Variants in SLC1A2 observed in about 807,000 individuals in gnomAD.
SLC1A2 encodes the protein solute carrier family 1 member 2.
A neutral mutation model predicts 48.8 loss-of-function variants in SLC1A2; 15 were observed. The ratio of observed to expected loss-of-function variants is 0.31; its 90% CI spans 0.21 to 0.47. SLC1A2 has a LOEUF of 0.47. SLC1A2 is among the 20% of genes least tolerant of loss of function. The pLI, the probability that SLC1A2 is intolerant of heterozygous loss-of-function variation, is 0.99. For missense variants in SLC1A2, 502 were observed against 730.5 expected, an observed-to-expected ratio of 0.69 and a Z score of 3.61; for synonymous variants, 279 against 272.6, an observed-to-expected ratio of 1.02 and a Z score of -0.23.
intron 1 of SLC1A2, among the ~76,000 whole-genome samples, chr11:35,339,462 A>G (rs1418724635): frequency 6.6e-6 from 1 of 152,222 alleles, no homozygotes; most frequent in East Asian, 1.9e-4. Context: ...AGAATCTCTC[A>G]GGGAGATGTT....
At chr11:35,354,295 A>C (rs899509353) in intron 1 of SLC1A2, among the ~76,000 whole-genome samples, 9 of 152,192 alleles carry the variant, frequency 5.9e-5, no homozygotes, top group Admixed American at 2.6e-4. Flanking sequence ...CTACAAAAAA[A>C]AAATTTTTTT....
chr11:35,379,412 A>G (rs1218157660), intron 1 of SLC1A2, among the ~76,000 whole-genome samples: 1 of 152,226 alleles, frequency 6.6e-6, no homozygotes, highest in Non-Finnish European at 1.5e-5. Context: ...AATAGGCAAT[A>G]CAGACTTTTT....
chr11:35,374,537 C>A, intron 1 of SLC1A2: 1 of 225,038 alleles, frequency 4.4e-6, no homozygotes, highest in South Asian at 6.5e-5. Context: ...TTGTCTTGGG[C>A]CACACATAAA....
At chr11:35,302,811 G>A (rs959927058) in intron 5 of SLC1A2, among the ~76,000 whole-genome samples, 10 of 150,956 alleles carry the variant, frequency 6.6e-5, no homozygotes, top group African/African-American at 2.4e-4. Flanking sequence ...GGTGTTTCCA[G>A]TACTGCCTGG....
chr11:35,323,030 T>G (rs1852126711), intron 1 of SLC1A2: 1 of 465,330 alleles, frequency 2.1e-6, no homozygotes, highest in African/African-American at 2.0e-5. Context: ...TCACAGATCC[T>G]GCAAATGAAA....
chr11:35,262,056 G>A (rs1257490618), intron 10 of SLC1A2, among the ~76,000 whole-genome samples: 3 of 152,318 alleles, frequency 2.0e-5, no homozygotes, highest in Middle Eastern at 3.4e-3. Context: ...TACCAGGCAA[G>A]AGTTTGAATA....
Position 35,260,903 on chromosome 11 carries a change from A to G in SLC1A2, c.1716T>C (p.Arg572=). 1 of 1,612,262 alleles carries G rather than the reference A, an allele frequency of 6.2e-7. No individual in the cohort carries two copies. Among genetic ancestry groups the G allele is most frequent in the Non-Finnish European group, 8.5e-7 (1 of 1,178,354 alleles). ...DCSVEEEPWK[R]EK ...GCTGAGACTCATATCCTTATTTCTC[A>G]CGTTTCCAAGGTTCTTCCTCAACAC... The change falls in exon 11 of 11, where the codon CGT becomes CGC. Residue 572 remains arginine, a synonymous_variant. Transcript: ENST00000278379.
At chr11:35,326,289 A>G (rs1852250266) in intron 1 of SLC1A2, among the ~76,000 whole-genome samples, 1 of 152,234 alleles carries the variant, frequency 6.6e-6, no homozygotes, top group South Asian at 2.1e-4. Context: ...TCCTTCTGCT[A>G]GAAAGCATGA....
intron 9 of SLC1A2, among the ~76,000 whole-genome samples, chr11:35,277,903 A>G (rs1391537298): frequency 6.6e-6 from 1 of 152,082 alleles, no homozygotes; most frequent in Non-Finnish European, 1.5e-5. Flanking sequence ...TCCCCCTTCC[A>G]TCCATGGCCT....
chr11:35,401,322 A>G (rs2135272236), intron 1 of SLC1A2, among the ~76,000 whole-genome samples: 1 of 152,348 alleles, frequency 6.6e-6, no homozygotes, highest in South Asian at 2.1e-4. Context: ...CAGCTTTTGC[A>G]GGGCATTTCA....
chr11:35,400,410 T>C (rs1323414070), intron 1 of SLC1A2, among the ~76,000 whole-genome samples: 1 of 152,204 alleles, frequency 6.6e-6, no homozygotes, highest in Admixed American at 6.5e-5. Context: ...AATCTGTAGG[T>C]TATGCTCCCA....
intron 10 of SLC1A2, 104 bp downstream of exon 10, chr11:35,265,423 A>C (rs1950464327): frequency 4.4e-6 from 3 of 675,674 alleles, no homozygotes; most frequent in Non-Finnish European, 7.8e-6. Flanking sequence ...AGGAAAATAA[A>C]TGTGACAATA....
intron 1 of SLC1A2, among the ~76,000 whole-genome samples, chr11:35,354,262 G>A (rs1362161399): frequency 6.6e-6 from 1 of 152,038 alleles, no homozygotes; most frequent in East Asian, 1.9e-4. Flanking sequence ...GACCAGCCTG[G>A]TCAATATAAC....
At chr11:35,405,938 G>A (rs994080138) in intron 1 of SLC1A2, among the ~76,000 whole-genome samples, 6 of 152,300 alleles carry the variant, frequency 3.9e-5, no homozygotes, top group Admixed American at 1.3e-4. Flanking sequence ...CCCTTCTGTC[G>A]TCTCTATGCC....
At chr11:35,377,737 T>C (rs1854290481) in intron 1 of SLC1A2, among the ~76,000 whole-genome samples, 1 of 152,268 alleles carries the variant, frequency 6.6e-6, no homozygotes, top group Non-Finnish European at 1.5e-5. Context: ...AATAGGCATA[T>C]TCATGCTGAT....
chr11:35,268,914 C>A (rs1850185561), intron 9 of SLC1A2, among the ~76,000 whole-genome samples: 1 of 152,180 alleles, frequency 6.6e-6, no homozygotes, highest in Non-Finnish European at 1.5e-5. Context: ...TGGAACCACA[C>A]AGCCCTGATT....
At chr11:35,363,145 GTCTC>G (rs1853735914) in intron 1 of SLC1A2, among the ~76,000 whole-genome samples, 1 of 152,212 alleles carries the variant, frequency 6.6e-6, no homozygotes, top group Non-Finnish European at 1.5e-5. Flanking sequence ...GAGGCTTACT[GTCTC>G]TCTAGAGAAG....
intron 1 of SLC1A2, among the ~76,000 whole-genome samples, chr11:35,374,730 C>A (rs1389197029): frequency 6.6e-6 from 1 of 151,114 alleles, no homozygotes; most frequent in East Asian, 1.9e-4. Context: ...CATTAATGAG[C>A]TTAGAACATT....
chr11:35,300,876 G>A (rs1851331925), intron 6 of SLC1A2, among the ~76,000 whole-genome samples: 1 of 151,984 alleles, frequency 6.6e-6, no homozygotes, highest in Non-Finnish European at 1.5e-5. Flanking sequence ...AAAATTAGCT[G>A]GGCATGGTAG....
Sources: allele counts gnomAD v4.1 joint callset (sites outside exome capture counted in the v4.1 genomes callset), GRCh38; gene constraint gnomAD v4.1.1; transcripts MANE v1.5; gene names NCBI Gene and HGNC (gene_info 2026-07-23, HGNC 2026-07-21).